SLC28A1: variants seen among roughly 807,000 people sequenced by gnomAD.
SLC28A1 encodes sodium/nucleoside cotransporter 1.
In SLC28A1, 64 loss-of-function variants were observed where a neutral mutation model predicts 74.8. The observed-to-expected ratio is 0.86, with a 90% CI of 0.70 to 1.05. SLC28A1 has a LOEUF of 1.05. Among genes scored for constraint, SLC28A1 ranks in the 50% least tolerant of loss-of-function variants. The pLI is 0.00. For synonymous variants in SLC28A1, 359 were observed against 335.0 expected, an observed-to-expected ratio of 1.07 and a Z score of -0.78; for missense variants, 828 against 822.8, an observed-to-expected ratio of 1.01 and a Z score of -0.08.
intron 13 of SLC28A1, 124 bp from the exon 14 acceptor site, chr15:84,934,902 A>C (rs1235669654): frequency 4.7e-6 from 4 of 849,358 alleles, no homozygotes; most frequent in Non-Finnish European, 8.0e-6. Context: ...TCTGGGTCTC[A>C]GGGAAAATTA....
intron 12 of SLC28A1, chr15:84,926,467 T>C (rs1970526884): frequency 2.3e-6 from 1 of 431,760 alleles, no homozygotes; most frequent in Non-Finnish European, 4.6e-6. Flanking sequence ...CCTCCCAAAA[T>C]ATTAGGATTA....
chr15:84,947,895 A>T (rs904283070), downstream of SLC28A1, among the ~76,000 whole-genome samples: 6 of 152,234 alleles, frequency 3.9e-5, no homozygotes, highest in African/African-American at 1.2e-4. Flanking sequence ...ACAAGAGGGG[A>T]AAATGGGTGT....
At position 84,895,122 on chromosome 15, in the gene SLC28A1, A is replaced by C. The variant is rs1400320975; in HGVS notation, c.460A>C (p.Arg154=). ...TCCCCGCCTGCTGCTCTGGTTTAAG[A>C]GGTGAGTGAGCTCACAGCCCCGAGG... ...GHPRLLLWFK[R]GLALAAFLGL... Residue 154 remains arginine, a splice_region_variant and synonymous_variant, in exon 6 of 19, where the codon AGG becomes CGG. Coordinates refer to ENST00000394573, the MANE Select transcript of SLC28A1 (RefSeq NM_004213.5). 2.5e-6 allele frequency: 4 copies of C among 1,613,694 alleles called. No homozygotes were observed. The highest frequency in any genetic ancestry group is 1.7e-6 in the Non-Finnish European group (2 of 1,179,888).
rs549357934 is a variant in SLC28A1, at chr15:84,927,443, C to T, written c.1083+3333C>T. Among the ~76,000 whole-genome samples the T allele has an allele frequency of 3.5e-4, 53 of 152,238 alleles. 1 individual carries two copies. The highest frequency in any genetic ancestry group is 1.2e-3 in the African/African-American group (48 of 41,528). ...AAACAGAGTGTGATCTAATACTAATCGACTGAGTGGAGGAAAAACAGCAAA... is the reference window on the plus strand; with the variant it reads ...AAACAGAGTGTGATCTAATACTAATTGACTGAGTGGAGGAAAAACAGCAAA... On this transcript the variant is annotated intron_variant, in intron 12 of 18. Coordinates refer to ENST00000394573, the MANE Select transcript of SLC28A1 (RefSeq NM_004213.5).
At chr15:84,889,665 CT>C in intron 4 of SLC28A1, among the ~76,000 whole-genome samples, 1 of 121,426 alleles carries the variant, frequency 8.2e-6, no homozygotes, top group Non-Finnish European at 1.7e-5. Context: ...CTTTTCTTTC[CT>C]TCCTTCCTTC....
intron 8 of SLC28A1, among the ~76,000 whole-genome samples, chr15:84,906,516 GTTTGTTTGTTTGTTTCTTTCTTTC>G (rs1324970298): frequency 5.6e-5 from 4 of 70,994 alleles, no homozygotes; most frequent in Non-Finnish European, 8.6e-5. Flanking sequence ...TTGTTTGTTT[GTTTGTTTGTTTGTTTCTTTCTTTC>G]TTTCTTTCTT....
At chr15:84,971,395 A>G in the SLC28A1 span, among the ~76,000 whole-genome samples, 1 of 152,172 alleles carries the variant, frequency 6.6e-6, no homozygotes, top group African/African-American at 2.4e-5. Flanking sequence ...TGTTGGTGCC[A>G]TCCTCATCCT....
chr15:84,898,307 G>A (rs903152408), intron 6 of SLC28A1, among the ~76,000 whole-genome samples: 18 of 152,068 alleles, frequency 1.2e-4, no homozygotes, highest in Non-Finnish European at 2.2e-4. Context: ...GGTCGGGTGC[G>A]GTGGCTCACG....
At chr15:84,966,932 C>T in the SLC28A1 span, among the ~76,000 whole-genome samples, 1 of 152,042 alleles carries the variant, frequency 6.6e-6, no homozygotes, top group Non-Finnish European at 1.5e-5. Flanking sequence ...CCACCATGCC[C>T]AGCTAAGTTT....
Position 84,944,507 on chromosome 15 carries a change from G to C in SLC28A1, c.1664-59G>C, listed in dbSNP as rs1284334316. On this transcript the variant is annotated intron_variant, in intron 16 of 18. Transcript: ENST00000394573. ...GTCAGCAGATGCAGCCCGAGCTGCG[G>C]AACGCGGGCAGAGAGGGACACAGCT... The C allele has an allele frequency of 6.7e-6, 8 of 1,189,006 alleles. No individual in the cohort carries two copies. The East Asian group carries it at 1.2e-4, about 17-fold the overall frequency. The allele number at this position is 1,189,006 out of a possible 1,614,324, so 73.7% of individuals were successfully genotyped here.
At chr15:84,931,185 C>T (rs12594161) in intron 12 of SLC28A1, among the ~76,000 whole-genome samples, 65,557 of 151,546 alleles carry the variant, frequency 0.43, 15,261 homozygotes, top group East Asian at 0.88. Context: ...GGATTACAGG[C>T]GTGAGCCACT....
At chr15:84,972,556 CATT>C in the SLC28A1 span, among the ~76,000 whole-genome samples, 1 of 152,222 alleles carries the variant, frequency 6.6e-6, no homozygotes, top group East Asian at 1.9e-4. Context: ...CCATCTTCAT[CATT>C]ATCATCATCA....
At position 84,904,194 on chromosome 15, in the gene SLC28A1, G is replaced by T. The variant is rs368877083; in HGVS notation, c.559G>T (p.Val187Leu). 3.1e-6 allele frequency: 5 copies of T among 1,614,192 alleles called. No homozygotes were observed. The South Asian group carries it at 5.5e-5, about 18-fold the overall frequency. Residue 187 changes from valine to leucine, a missense_variant, in exon 7 of 19, where the codon GTG (valine) becomes TTG (leucine). Around this residue, in one of 3 missense-constraint regions of SLC28A1, gnomAD observed 767 missense variants for 753.5 expected, o/e 1.02. Coordinates refer to ENST00000394573, the MANE Select transcript of SLC28A1 (RefSeq NM_004213.5). ...ACTGGTGTCCTTCGCAGGAATCTGCGTGTTCGTCGCTCTCCTCTTTGCCTG... is the reference window on the plus strand; with the variant it reads ...ACTGGTGTCCTTCGCAGGAATCTGCTTGTTCGTCGCTCTCCTCTTTGCCTG... ...EQLVSFAGICVFVALLFACSK... is the reference protein window; with the variant it reads ...EQLVSFAGICLFVALLFACSK...
At chr15:84,933,050 A>G (rs1971494090) in intron 12 of SLC28A1, 95 bp from the exon 13 acceptor site, 1 of 1,218,646 alleles carries the variant, frequency 8.2e-7, no homozygotes. Context: ...AGTGGGACAG[A>G]CTACACATGT....
chr15:84,890,473 A>G lies in SLC28A1; in HGVS notation c.216A>G (p.Arg72=), dbSNP rs770912786. 3.1e-6 allele frequency: 5 copies of G among 1,610,724 alleles called. No individual in the cohort carries two copies. Among genetic ancestry groups the G allele is most frequent in the Non-Finnish European group, 4.2e-6 (5 of 1,179,522 alleles). ...WRNLQPALRA[R]SFCREHMQLF... ...ACCTGCAGCCAGCCCTGAGAGCCAG[A>G]AGCTTCTGCAGGGAGCACATGCAGC... Residue 72 remains arginine (R), a synonymous_variant, in exon 5 of 19, where the codon AGA becomes AGG. Coordinates refer to ENST00000394573, the MANE Select transcript of SLC28A1 (RefSeq NM_004213.5).
chr15:84,952,781 C>T, the SLC28A1 span, among the ~76,000 whole-genome samples: 1 of 152,052 alleles, frequency 6.6e-6, no homozygotes, highest in South Asian at 2.1e-4. Context: ...CCCAGCCACT[C>T]CTGGGAGGTC....
At chr15:84,889,759 TCC>T (rs1467352082) in intron 4 of SLC28A1, among the ~76,000 whole-genome samples, 1,879 of 40,392 alleles carry the variant, frequency 0.047, 77 homozygotes, top group Admixed American at 0.058. Flanking sequence ...CTTCCTTCCT[TCC>T]TTCCTTTTCT....
downstream of SLC28A1, among the ~76,000 whole-genome samples, chr15:84,950,107 A>G (rs2142090293): frequency 6.6e-6 from 1 of 152,300 alleles, no homozygotes; most frequent in East Asian, 1.9e-4. Context: ...CCCACACTTG[A>G]GAATAAAGCC....
At chr15:84,969,297 C>T in the SLC28A1 span, among the ~76,000 whole-genome samples, 1 of 152,198 alleles carries the variant, frequency 6.6e-6, no homozygotes, top group African/African-American at 2.4e-5. Flanking sequence ...CAAGTCAGGT[C>T]TCCTACCAAA....
Sources: gnomAD v4.1 joint callset for allele counts (sites outside exome capture counted in the v4.1 genomes callset) on GRCh38, gnomAD v4.1.1 for gene constraint, gnomAD v4.1.1 regional missense constraint, MANE v1.5 for transcripts, NCBI Gene and HGNC (gene_info 2026-07-23, HGNC 2026-07-21) for gene names.